The following SAMD4A variants were observed in gnomAD, a reference collection of about 807,000 sequenced individuals.
SAMD4A encodes sterile alpha motif domain containing 4A, also known as protein Smaug homolog 1.
A neutral mutation model predicts 81.3 loss-of-function variants in SAMD4A; 33 were observed. The ratio of observed to expected loss-of-function variants is 0.41; its 90% CI spans 0.31 to 0.54. SAMD4A has a LOEUF of 0.54. Among genes scored for constraint, SAMD4A ranks in the 20% least tolerant of loss-of-function variants. SAMD4A has a pLI of 0.37. For synonymous variants in SAMD4A, 389 were observed against 382.1 expected (o/e 1.02, Z -0.21); for missense variants, 854 against 951.1 (o/e 0.90, Z 1.34).
At chr14:54,663,905 T>C (rs2035698769) in intron 2 of SAMD4A, among the ~76,000 whole-genome samples, 1 of 152,230 alleles carries the variant, frequency 6.6e-6, no homozygotes, top group Admixed American at 6.5e-5. Flanking sequence ...TGGGGGCCTG[T>C]TGAGAGTATG....
chr14:54,754,694 A>G (rs1026399773), intron 6 of SAMD4A: 1 of 262,718 alleles, frequency 3.8e-6, no homozygotes, highest in Non-Finnish European at 6.0e-6. Context: ...ATGCTGTTGG[A>G]AAAAAAGTCA....
intron 3 of SAMD4A, among the ~76,000 whole-genome samples, chr14:54,706,067 G>C (rs1285119538): frequency 6.6e-6 from 1 of 152,074 alleles, no homozygotes; most frequent in Non-Finnish European, 1.5e-5. Context: ...AAGCCTTTGG[G>C]CCAGGTACAG....
chr14:54,653,768 A>C (rs2035459871), intron 2 of SAMD4A, among the ~76,000 whole-genome samples: 1 of 152,210 alleles, frequency 6.6e-6, no homozygotes, highest in South Asian at 2.1e-4. Context: ...GCGAGGAAGC[A>C]GAAGACCTGA....
At chr14:54,606,212 T>TGTGTGTGTGTGC (rs1051852191) in intron 2 of SAMD4A, among the ~76,000 whole-genome samples, 23 of 150,366 alleles carry the variant, frequency 1.5e-4, no homozygotes, top group African/African-American at 5.1e-4. Context: ...TGTGTGTGTG[T>TGTGTGTGTGTGC]GCGTGCACGT....
intron 12 of SAMD4A, among the ~76,000 whole-genome samples, chr14:54,785,895 C>T (rs1342194722): frequency 6.6e-6 from 1 of 152,204 alleles, no homozygotes; most frequent in Non-Finnish European, 1.5e-5. Flanking sequence ...AGACACAGCC[C>T]CTTCTGTGAC....
chr14:54,669,947 C>T (rs1342357912), intron 2 of SAMD4A, among the ~76,000 whole-genome samples: 1 of 152,118 alleles, frequency 6.6e-6, no homozygotes, highest in South Asian at 2.1e-4. Context: ...CCCCCCAGCC[C>T]CCTGGGGTGA....
intron 9 of SAMD4A, 63 bp from the exon 10 acceptor site, chr14:54,774,871 C>T: frequency 2.0e-6 from 3 of 1,535,726 alleles, no homozygotes; most frequent in South Asian, 1.1e-5. Flanking sequence ...CTTGGGAAGC[C>T]TGTGGCTTAA....
At chr14:54,598,189 C>T (rs1006635507) in intron 2 of SAMD4A, among the ~76,000 whole-genome samples, 5 of 152,164 alleles carry the variant, frequency 3.3e-5, no homozygotes, top group African/African-American at 1.2e-4. Context: ...GATTAAATAT[C>T]TAGAAAATGA....
chr14:54,784,678 T>C lies in SAMD4A; in HGVS notation c.2128+58T>C, dbSNP rs1189186595. The stretch of plus-strand genomic sequence containing the variant: ...CCTGTTACCGTGTGCCTGGGAGAAC[T>C]GGCCATCTGCTGTCTATACCGTGGC... On this transcript the variant is annotated intron_variant, in intron 12 of 12. Coordinates refer to ENST00000554335, the MANE Select transcript of SAMD4A (RefSeq NM_015589.6). 2.1e-6 allele frequency: 3 copies of C among 1,455,524 alleles called. No homozygotes were observed. In the Admixed American group the frequency reaches 5.0e-5, roughly 24 times the overall value. 90.2% of individuals were successfully genotyped at this position (1,455,524 alleles called of 1,614,324 possible). A position where few individuals can be genotyped will look rare whatever the true frequency, so the allele number is the denominator to read the frequency against.
At chr14:54,645,820 T>C (rs1229874002) in intron 2 of SAMD4A, among the ~76,000 whole-genome samples, 1 of 152,252 alleles carries the variant, frequency 6.6e-6, no homozygotes, top group Non-Finnish European at 1.5e-5. Flanking sequence ...TGTTAAGAAA[T>C]GTTATGTCTT....
chr14:54,606,210 T>TGTGTGTGTGC (rs1039478105), intron 2 of SAMD4A, among the ~76,000 whole-genome samples: 1 of 150,344 alleles, frequency 6.7e-6, no homozygotes, highest in Non-Finnish European at 1.5e-5. Flanking sequence ...TGTGTGTGTG[T>TGTGTGTGTGC]GTGCGTGCAC....
intron 3 of SAMD4A, among the ~76,000 whole-genome samples, chr14:54,736,687 A>C (rs909140647): frequency 3.9e-5 from 6 of 152,256 alleles, no homozygotes; most frequent in African/African-American, 1.4e-4. Flanking sequence ...TATGGCTGTC[A>C]AGCCTTGCCT....
chr14:54,576,419 A>G (rs553901050), intron 2 of SAMD4A, among the ~76,000 whole-genome samples: 21 of 152,242 alleles, frequency 1.4e-4, no homozygotes, highest in Non-Finnish European at 2.4e-4. Context: ...AGATAAATAA[A>G]CTTGTCTCCG....
rs553514942 is a variant in SAMD4A, at chr14:54,784,878, C to G, written c.2128+258C>G. ...AGGGACCTGGCAATCAAAGCTGTCC[C>G]TCTGTCCCCAGAAGCTCCACCTCCC... is the stretch of plus-strand genomic sequence containing the variant. On this transcript the variant is annotated intron_variant, in intron 12 of 12. Coordinates refer to ENST00000554335, the MANE Select transcript of SAMD4A (RefSeq NM_015589.6). 9.8e-5 allele frequency among the ~76,000 whole-genome samples: 15 copies of G among 152,334 alleles called. No homozygotes were observed. The South Asian group carries it at 3.1e-3, about 32-fold the overall frequency.
chr14:54,666,196 A>G (rs941073360), intron 2 of SAMD4A, among the ~76,000 whole-genome samples: 4 of 152,182 alleles, frequency 2.6e-5, no homozygotes, highest in African/African-American at 9.7e-5. Context: ...AGGTGAAGAG[A>G]GGGCCCCAAG....
intron 3 of SAMD4A, among the ~76,000 whole-genome samples, chr14:54,727,166 C>T (rs373141001): frequency 1.7e-3 from 99 of 59,160 alleles, no homozygotes; most frequent in Non-Finnish European, 2.8e-3. Flanking sequence ...TCTTTTTTTC[C>T]TTTTTTTTTT....
At chr14:54,654,291 T>TGTA (rs1555339999) in intron 2 of SAMD4A, among the ~76,000 whole-genome samples, 3 of 152,156 alleles carry the variant, frequency 2.0e-5, no homozygotes, top group African/African-American at 7.2e-5. Flanking sequence ...GAATTCCTAC[T>TGTA]GGTAGTAGCC....
intron 2 of SAMD4A, among the ~76,000 whole-genome samples, chr14:54,607,123 T>C (rs557319594): frequency 7.3e-4 from 111 of 152,204 alleles, no homozygotes; most frequent in African/African-American, 2.6e-3. Context: ...GGGAGGGAAA[T>C]AGGGAATACA....
intron 3 of SAMD4A, among the ~76,000 whole-genome samples, chr14:54,730,272 G>A (rs909300772): frequency 2.0e-5 from 3 of 152,180 alleles, no homozygotes; most frequent in African/African-American, 7.2e-5. Flanking sequence ...GAATAAAAAC[G>A]AGATGTCATG....
Sources: gnomAD v4.1 joint callset for allele counts (sites outside exome capture counted in the v4.1 genomes callset) on GRCh38, gnomAD v4.1.1 for gene constraint, MANE v1.5 for transcripts, NCBI Gene and HGNC (gene_info 2026-07-23, HGNC 2026-07-21) for gene names.